Variants in RARG observed in about 807,000 individuals in gnomAD.
The protein encoded by RARG is RAR-gamma.
Under a neutral mutation model 43.7 loss-of-function variants are expected in RARG, and 17 were observed. The observed-to-expected ratio is 0.39, with a 90% CI of 0.27 to 0.58. RARG has a LOEUF of 0.58. Ranked by LOEUF, RARG falls within the 20% of genes least tolerant of loss-of-function variation. The pLI is 0.57. For missense variants in RARG, 346 were observed against 598.7 expected, an observed-to-expected ratio of 0.58 and a Z score of 4.40; for synonymous variants, 238 against 236.4, an observed-to-expected ratio of 1.01 and a Z score of -0.06.
rs1440781165 is a variant in RARG, at chr12:53,210,748, G to C, written c.*928C>G. On this transcript the variant is annotated 3_prime_UTR_variant, in exon 10 of 10. Coordinates refer to ENST00000425354, the MANE Select transcript of RARG (RefSeq NM_000966.6). ...ACAAACTGGGGATTGGAGGAAGAAA[G>C]GAGGGGTCACAGGGGCCCTGGGCTC... 6.5e-6 allele frequency: 1 copy of C among 152,738 alleles called. No homozygotes were observed. Among genetic ancestry groups the C allele is most frequent in the Non-Finnish European group, 1.5e-5 (1 of 68,110 alleles). 9.5% of individuals were successfully genotyped at this position (152,738 alleles called of 1,614,324 possible).
intron 3 of RARG, among the ~76,000 whole-genome samples, chr12:53,217,233 G>A (rs1439316382): frequency 6.6e-6 from 1 of 152,170 alleles, no homozygotes; most frequent in African/African-American, 2.4e-5. Context: ...GGGAAAGAAG[G>A]GTGCCTGGAG....
intron 3 of RARG, among the ~76,000 whole-genome samples, chr12:53,217,154 C>T (rs895901521): frequency 6.6e-6 from 1 of 152,090 alleles, no homozygotes; most frequent in Non-Finnish European, 1.5e-5. Flanking sequence ...CCCCAACACA[C>T]ATACAATCAA....
intron 3 of RARG, among the ~76,000 whole-genome samples, chr12:53,224,095 G>A (rs2120713746): frequency 6.6e-6 from 1 of 152,204 alleles, no homozygotes; most frequent in Non-Finnish European, 1.5e-5. Context: ...GAGGTTTCAT[G>A]CACATGCATG....
chr12:53,212,325 A>T (rs976617741), intron 9 of RARG, among the ~76,000 whole-genome samples: 20 of 152,278 alleles, frequency 1.3e-4, no homozygotes, highest in Non-Finnish European at 2.2e-4. Context: ...GTCATTGGCC[A>T]CATGTGGCAA....
chr12:53,222,289 G>A (rs1462391729), intron 3 of RARG, among the ~76,000 whole-genome samples: 1 of 140,196 alleles, frequency 7.1e-6, no homozygotes, highest in Non-Finnish European at 1.5e-5. Flanking sequence ...GAGAAAGGAG[G>A]AGAAAGAAAG....
chr12:53,212,735 T>TACACAC (rs200052709), intron 9 of RARG, among the ~76,000 whole-genome samples: 41 of 136,976 alleles, frequency 3.0e-4, no homozygotes, highest in East Asian at 1.3e-3. Flanking sequence ...TAAATATATA[T>TACACAC]ATACACACAC....
chr12:53,227,760 T>G lies in RARG; in HGVS notation c.-142-73A>C. 4 of 1,062,726 alleles carry G rather than the reference T, an allele frequency of 3.8e-6. No homozygotes were observed. The highest frequency in any genetic ancestry group is 3.7e-6 in the Non-Finnish European group (3 of 819,738). 65.8% of individuals were successfully genotyped at this position (1,062,726 alleles called of 1,614,324 possible). On this transcript the variant is annotated intron_variant, in intron 2 of 9. Transcript: ENST00000425354. This position sits in a 1 kb window ranked among gnomAD's most constrained non-coding sequence, Gnocchi z 4.3. ...AGGTTCCAAGCCCTGTGACCCTCTC[T>G]CAGTTGCAGTCTTCTCCCTCTGTGC...
intron 2 of RARG, among the ~76,000 whole-genome samples, chr12:53,229,102 A>T (rs1943174082): frequency 6.6e-6 from 1 of 152,056 alleles, no homozygotes; most frequent in Non-Finnish European, 1.5e-5. Flanking sequence ...GAGCCCCAGA[A>T]CTTCTCACCT....
chr12:53,222,227 AAGAG>A (rs966469367), intron 3 of RARG, among the ~76,000 whole-genome samples: 16 of 139,862 alleles, frequency 1.1e-4, no homozygotes, highest in South Asian at 4.5e-4. Context: ...AAAAGAAAGA[AAGAG>A]AGAGAAAGAA....
chr12:53,211,785 G>T lies in RARG; in HGVS notation c.1256C>A (p.Pro419His). The change falls in exon 10 of 10, where the codon CCT (proline) becomes CAT (histidine). Residue 419 changes from proline (P) to histidine (H), a missense_variant. Coordinates refer to ENST00000425354, the MANE Select transcript of RARG (RefSeq NM_000966.6). This position sits in a 1 kb window ranked among gnomAD's most constrained non-coding sequence, Gnocchi z 4.6. ...PPLIREMLENPEMFEDDSSQP... is the reference protein window; with the variant it reads ...PPLIREMLENHEMFEDDSSQP... ...CGAGGAGTCATCCTCAAACATTTCA[G>T]GGTTCTCCAGCATCTCTCGGATTAA... The T allele has an allele frequency of 6.4e-7, 1 of 1,563,294 alleles. No individual in the cohort carries two copies. Among genetic ancestry groups the T allele is most frequent in the Non-Finnish European group, 8.7e-7 (1 of 1,154,252 alleles).
At chr12:53,228,343 T>C (rs1943156441) in intron 2 of RARG, among the ~76,000 whole-genome samples, 1 of 152,244 alleles carries the variant, frequency 6.6e-6, no homozygotes, top group Non-Finnish European at 1.5e-5. Flanking sequence ...TAATAGGGCC[T>C]ACCTCATATG....
intron 3 of RARG, among the ~76,000 whole-genome samples, chr12:53,222,244 G>GAAAGAAAAT: frequency 7.2e-6 from 1 of 138,616 alleles, no homozygotes. Context: ...AGAAAGAAAA[G>GAAAGAAAAT]AAAGAGAAAG....
At chr12:53,214,930 A>T in intron 5 of RARG, 3 of 357,642 alleles carry the variant, frequency 8.4e-6, no homozygotes, top group Non-Finnish European at 1.0e-5. Context: ...TGGCAGCACA[A>T]TGGGGGCGAG....
chr12:53,226,914 A>G (rs956683499), intron 3 of RARG, among the ~76,000 whole-genome samples: 12 of 151,834 alleles, frequency 7.9e-5, no homozygotes, highest in Admixed American at 3.3e-4. Flanking sequence ...ACCCAACCCA[A>G]TTTCACCTCT....
intron 9 of RARG, 104 bp downstream of exon 9, chr12:53,212,981 C>G: frequency 7.7e-7 from 1 of 1,301,462 alleles, no homozygotes; most frequent in Non-Finnish European, 1.0e-6. Context: ...TGTAGATTGC[C>G]TGGTTCTCAA....
At chr12:53,216,729 A>T (rs778186800) in intron 3 of RARG, among the ~76,000 whole-genome samples, 51 of 151,810 alleles carry the variant, frequency 3.4e-4, no homozygotes, top group Non-Finnish European at 5.4e-4. Context: ...TTATGTCTTC[A>T]CTCTGAAAAT....
rs1173706411 is a variant in RARG, at chr12:53,213,382, A to G, written c.1018+114T>C. 1.1e-5 allele frequency: 17 copies of G among 1,489,352 alleles called. No homozygotes were observed. In the East Asian group the frequency reaches 3.7e-4, roughly 32 times the overall value. 92.3% of individuals were successfully genotyped at this position (1,489,352 alleles called of 1,614,324 possible). ...TCTCTGGATGGGGCCAGGTGCAAGA[A>G]TTACCAGCAGAAGAGACCACTGGGT... On this transcript the variant is annotated intron_variant, in intron 8 of 9. Coordinates refer to ENST00000425354, the MANE Select transcript of RARG (RefSeq NM_000966.6). The surrounding 1 kb of genome is among the most constrained non-coding windows in gnomAD (Gnocchi z 4.7).
chr12:53,231,850 G>C, intron 1 of RARG, 124 bp downstream of exon 1: 1 of 385,762 alleles, frequency 2.6e-6, no homozygotes, highest in South Asian at 1.4e-4. Flanking sequence ...CAAGCCCGGC[G>C]GCCAGCCTGG....
rs1942595708 is a variant in RARG, at chr12:53,211,764, G to A, written c.1277C>T (p.Ser426Phe). 1 of 1,568,276 alleles carries A rather than the reference G, an allele frequency of 6.4e-7. No homozygotes were observed. The highest frequency in any genetic ancestry group is 1.2e-5 in the South Asian group (1 of 85,244). The part of the protein sequence containing the change: ...LENPEMFEDD[S>F]SQPGPHPNAS... ...ATTGGGGTGGGGACCAGGCTGCGAG[G>A]AGTCATCCTCAAACATTTCAGGGTT... The change falls in exon 10 of 10, where the codon TCC becomes TTC. Residue 426 changes from serine (S) to phenylalanine (F), a missense_variant. Around this residue, in one of 8 missense-constraint regions of RARG, gnomAD observed 40 missense variants for 44.6 expected, o/e 0.90. Transcript: ENST00000425354. This position sits in a 1 kb window ranked among gnomAD's most constrained non-coding sequence, Gnocchi z 4.6.
Sources: allele counts gnomAD v4.1 joint callset (sites outside exome capture counted in the v4.1 genomes callset), GRCh38; gene constraint gnomAD v4.1.1; regional missense constraint gnomAD v4.1.1; non-coding constraint Gnocchi (gnomAD v3.1); transcripts MANE v1.5; gene names NCBI Gene and HGNC (gene_info 2026-07-23, HGNC 2026-07-21).